The following NIBAN1 variants were observed in gnomAD, a reference collection of about 807,000 sequenced individuals.
NIBAN1 encodes the protein protein Niban 1.
NIBAN1 carries 81 observed loss-of-function variants against 75.1 expected under a neutral mutation model. The ratio of observed to expected loss-of-function variants is 1.08; its 90% CI spans 0.90 to 1.30. The LOEUF (loss-of-function observed/expected upper bound fraction) is 1.30, where lower values mean the gene tolerates loss of function less well. Ranked by LOEUF, NIBAN1 falls within the 50% of genes most tolerant of loss-of-function variation. The pLI, the probability that NIBAN1 is intolerant of heterozygous loss-of-function variation, is 0.00. For synonymous variants in NIBAN1, 436 were observed against 424.8 expected (o/e 1.03, Z -0.32); for missense variants, 1,133 against 1,128.1 (o/e 1.00, Z -0.06).
intron 5 of NIBAN1, among the ~76,000 whole-genome samples, chr1:184,864,988 CAAAA>C (rs200197955): frequency 4.9e-5 from 3 of 61,222 alleles, no homozygotes; most frequent in Non-Finnish European, 7.6e-5. Context: ...CTAAAGAGGT[CAAAA>C]AAAAAAAAAA....
Position 184,890,134 on chromosome 1 carries a change from GACA to G in NIBAN1, c.404_406del (p.Leu135del). 1 of 1,613,822 alleles carries G rather than the reference GACA, an allele frequency of 6.2e-7. No individual in the cohort carries two copies. Among genetic ancestry groups the G allele is most frequent in the Non-Finnish European group, 8.5e-7 (1 of 1,179,782 alleles). ...AAGAGGGTCTGGGAAATGCCTGTCAGACAACAGATTATATTCATCTTCTGAGGT... is the reference window on the plus strand; with the variant it reads ...AAGAGGGTCTGGGAAATGCCTGTCAGACAGATTATATTCATCTTCTGAGGT... On this transcript the variant is annotated inframe_deletion, in exon 4 of 14. Coordinates refer to ENST00000367511, the MANE Select transcript of NIBAN1 (RefSeq NM_052966.4).
rs1658028848 is a variant in NIBAN1, at chr1:184,939,119, T to C, written c.55+35183A>G. 2.0e-5 allele frequency among the ~76,000 whole-genome samples: 3 copies of C among 152,378 alleles called. No homozygotes were observed. The South Asian group carries it at 6.2e-4, about 32-fold the overall frequency. ...ATTCAACAAATGTGCATTGAGTTGC[T>C]ACTATGCACAAATGTACTAGAAGCT... On this transcript the variant is annotated intron_variant, in intron 1 of 13. Transcript: ENST00000367511.
chr1:184,873,359 T>C (rs1656158389), intron 5 of NIBAN1, among the ~76,000 whole-genome samples: 1 of 152,220 alleles, frequency 6.6e-6, no homozygotes, highest in Non-Finnish European at 1.5e-5. Flanking sequence ...TCTCAGAATA[T>C]ACTGCATTGG....
At chr1:184,804,633 G>T (rs1654137852) in intron 11 of NIBAN1, among the ~76,000 whole-genome samples, 1 of 151,926 alleles carries the variant, frequency 6.6e-6, no homozygotes, top group Non-Finnish European at 1.5e-5. Context: ...GAAACCTGAG[G>T]TCCTAATATT....
At chr1:184,861,741 G>A (rs968037786) in intron 5 of NIBAN1, among the ~76,000 whole-genome samples, 5 of 148,560 alleles carry the variant, frequency 3.4e-5, no homozygotes, top group Non-Finnish European at 4.5e-5. Context: ...GAAGGGGAGG[G>A]AGGAAGGGAG....
At chr1:184,933,808 G>A (rs1292712827) in intron 1 of NIBAN1, among the ~76,000 whole-genome samples, 1 of 152,138 alleles carries the variant, frequency 6.6e-6, no homozygotes, top group African/African-American at 2.4e-5. Context: ...TTCAACACTC[G>A]CTATAGAAAT....
At chr1:184,934,657 G>A (rs1657908573) in intron 1 of NIBAN1, among the ~76,000 whole-genome samples, 1 of 152,188 alleles carries the variant, frequency 6.6e-6, no homozygotes, top group Non-Finnish European at 1.5e-5. Flanking sequence ...AGCACTTTGG[G>A]AGGCTGAGGC....
intron 12 of NIBAN1, among the ~76,000 whole-genome samples, chr1:184,798,781 C>G (rs1243348533): frequency 6.6e-6 from 1 of 151,982 alleles, no homozygotes; most frequent in Non-Finnish European, 1.5e-5. Context: ...GTCTGCACCT[C>G]CCAAGATATG....
chr1:184,957,525 G>A (rs537589194), intron 1 of NIBAN1, among the ~76,000 whole-genome samples: 3 of 152,294 alleles, frequency 2.0e-5, no homozygotes, highest in African/African-American at 7.2e-5. Flanking sequence ...ACAAATGTGT[G>A]GGCTAGGTAT....
intron 11 of NIBAN1, among the ~76,000 whole-genome samples, chr1:184,803,908 G>A (rs111420784): frequency 1.7e-3 from 254 of 152,260 alleles, no homozygotes; most frequent in African/African-American, 5.9e-3. Flanking sequence ...CCTTTTACAG[G>A]TATGGAAACT....
intron 5 of NIBAN1, among the ~76,000 whole-genome samples, chr1:184,861,076 T>C (rs1268867140): frequency 6.6e-6 from 1 of 152,224 alleles, no homozygotes; most frequent in African/African-American, 2.4e-5. Context: ...ATAGTAAACA[T>C]TGTAGGCTTT....
intron 9 of NIBAN1, among the ~76,000 whole-genome samples, chr1:184,810,219 G>A (rs6424964): frequency 0.62 from 94,046 of 152,140 alleles, 30,915 homozygotes; most frequent in Middle Eastern, 0.76. Context: ...TGTTCATCAT[G>A]ATATGTCAAG....
At chr1:184,921,584 C>T (rs1657556606) in intron 1 of NIBAN1, among the ~76,000 whole-genome samples, 1 of 152,058 alleles carries the variant, frequency 6.6e-6, no homozygotes, top group African/African-American at 2.4e-5. Context: ...GAAATTTTCT[C>T]CAAAGAAACA....
rs377284162 is a variant in NIBAN1 at position 184,890,070 on chromosome 1, A to C, written c.433+38T>G. 8 of 1,440,788 alleles carry C rather than the reference A, an allele frequency of 5.6e-6. No homozygotes were observed. In the African/African-American group the frequency reaches 9.8e-5, roughly 18 times the overall value. The allele number at this position is 1,440,788 out of a possible 1,614,324, so 89.3% of individuals were successfully genotyped here. A position where few individuals can be genotyped will look rare whatever the true frequency, so the allele number is the denominator to read the frequency against. ...CTGCTCCAGCTAAACAAAGAAGCTT[A>C]GTCATTTTGCCTTGGAAAAGAATGA... On this transcript the variant is annotated intron_variant, in intron 4 of 13. Transcript: ENST00000367511.
Position 184,894,171 on chromosome 1 carries a change from T to C in NIBAN1, c.222A>G (p.Ala74=). The change falls in exon 3 of 14, where the codon GCA becomes GCG. Residue 74 remains alanine (A), a synonymous_variant. Transcript: ENST00000367511. ...PLAPGTILYE[A]ELSQFSEDIK... ...TGTCTTCAGAAAATTGTGATAGCTC[T>C]GCTTCATACAAAATAGTTCCAGGCG... 6.2e-7 allele frequency: 1 copy of C among 1,612,140 alleles called. No individual in the cohort carries two copies. Among genetic ancestry groups the C allele is most frequent in the Non-Finnish European group, 8.5e-7 (1 of 1,179,284 alleles).
intron 1 of NIBAN1, among the ~76,000 whole-genome samples, chr1:184,949,409 G>T (rs1483526643): frequency 6.6e-6 from 1 of 152,166 alleles, no homozygotes; most frequent in Non-Finnish European, 1.5e-5. Context: ...AAATAAACTG[G>T]CTTATAGTAA....
chr1:184,795,239 T>A lies in NIBAN1; in HGVS notation c.2525A>T (p.Glu842Val), dbSNP rs1355479083. ...GGGGTCAGAACCTAAGGTGCAGCCC[T>A]CTTGCTGTGAGGCATCCCCTTCCTC... is the stretch of plus-strand genomic sequence containing the variant. Reference protein sequence around the residue: ...CTEEGDASQQEGCTLGSDPIC... With the variant: ...CTEEGDASQQVGCTLGSDPIC... Residue 842 changes from glutamate to valine, a missense_variant, in exon 14 of 14, where the codon GAG (glutamate) becomes GTG (valine). Physicochemically the swap from Glu to Val is moderately radical, Grantham distance 121 (BLOSUM62 -2). Coordinates refer to ENST00000367511, the MANE Select transcript of NIBAN1 (RefSeq NM_052966.4). 6.2e-7 allele frequency: 1 copy of A among 1,613,792 alleles called. No homozygotes were observed. Among genetic ancestry groups the A allele is most frequent in the Non-Finnish European group, 8.5e-7 (1 of 1,180,038 alleles).
intron 13 of NIBAN1, among the ~76,000 whole-genome samples, chr1:184,797,870 A>C (rs1653919798): frequency 1.3e-5 from 2 of 152,194 alleles, no homozygotes; most frequent in African/African-American, 4.8e-5. Flanking sequence ...ATAACATCTA[A>C]AGTGCCAGCT....
At chr1:184,880,560 T>C (rs1297197193) in intron 5 of NIBAN1, among the ~76,000 whole-genome samples, 7 of 152,214 alleles carry the variant, frequency 4.6e-5, no homozygotes, top group Non-Finnish European at 1.0e-4. Context: ...ATACTCTATC[T>C]TACTTCCTGG....
Sources: allele counts gnomAD v4.1 joint callset (sites outside exome capture counted in the v4.1 genomes callset), GRCh38; gene constraint gnomAD v4.1.1; transcripts MANE v1.5; gene names NCBI Gene and HGNC (gene_info 2026-07-23, HGNC 2026-07-21).